The following TRAPPC9 variants were observed in gnomAD, a reference collection of about 807,000 sequenced individuals.
The protein encoded by TRAPPC9 is IKK2 binding protein.
Under a neutral mutation model 124.0 loss-of-function variants are expected in TRAPPC9, and 83 were observed. That is an observed-to-expected ratio of 0.67 (90% CI 0.56 to 0.80). TRAPPC9 has a LOEUF of 0.80. Ranked by LOEUF, TRAPPC9 falls within the 30% of genes least tolerant of loss-of-function variation. The probability of loss-of-function intolerance (pLI) is 0.00; values close to 1 mark genes in which losing one functional copy is unlikely to be tolerated. For missense variants in TRAPPC9, 1,302 were observed against 1,508.3 expected (o/e 0.86, Z 2.27); for synonymous variants, 638 against 617.5 (o/e 1.03, Z -0.49).
chr8:140,184,255 T>C (rs1388592327), intron 17 of TRAPPC9, among the ~76,000 whole-genome samples: 1 of 152,116 alleles, frequency 6.6e-6, no homozygotes, highest in Non-Finnish European at 1.5e-5. Flanking sequence ...GGTGGCTCTT[T>C]TTCCATTTTA....
intron 21 of TRAPPC9, among the ~76,000 whole-genome samples, chr8:139,743,538 A>T (rs1471449015): frequency 6.6e-6 from 1 of 152,244 alleles, no homozygotes; most frequent in Non-Finnish European, 1.5e-5. Flanking sequence ...TTTCTAGTTG[A>T]CATAAATCTT....
At chr8:140,299,699 G>T (rs1023902211) in intron 11 of TRAPPC9, among the ~76,000 whole-genome samples, 5 of 152,222 alleles carry the variant, frequency 3.3e-5, no homozygotes, top group African/African-American at 7.2e-5. Flanking sequence ...GGGATGGGGA[G>T]CTTGGCACTA....
At chr8:139,853,715 G>A (rs1015106204) in intron 21 of TRAPPC9, among the ~76,000 whole-genome samples, 1 of 152,212 alleles carries the variant, frequency 6.6e-6, no homozygotes, top group Non-Finnish European at 1.5e-5. Context: ...TGGGCCAGGG[G>A]CAGGCTGGGG....
At chr8:140,051,837 T>C (rs114848970) in intron 17 of TRAPPC9, among the ~76,000 whole-genome samples, 214 of 152,176 alleles carry the variant, frequency 1.4e-3, no homozygotes, top group African/African-American at 4.9e-3. Flanking sequence ...CTAGACTCAT[T>C]AGTAGTGATT....
intron 21 of TRAPPC9, among the ~76,000 whole-genome samples, chr8:139,830,583 CACAT>C (rs1426566808): frequency 4.6e-5 from 7 of 151,340 alleles, no homozygotes; most frequent in African/African-American, 1.7e-4. Context: ...CACACACATA[CACAT>C]GCACACACCA....
chr8:140,178,549 G>A (rs1175873287), intron 17 of TRAPPC9, among the ~76,000 whole-genome samples: 1 of 151,918 alleles, frequency 6.6e-6, no homozygotes, highest in African/African-American at 2.4e-5. Flanking sequence ...TTTTTCAAGG[G>A]TTTTGCATAC....
intron 18 of TRAPPC9, among the ~76,000 whole-genome samples, chr8:140,012,865 G>T (rs1237318838): frequency 6.6e-6 from 1 of 152,194 alleles, no homozygotes; most frequent in African/African-American, 2.4e-5. Flanking sequence ...CTTGCAGAGG[G>T]TCACCGTAAG....
chr8:140,122,050 T>TCTCTCC (rs1365639911), intron 17 of TRAPPC9, among the ~76,000 whole-genome samples: 1 of 149,794 alleles, frequency 6.7e-6, no homozygotes, highest in African/African-American at 2.5e-5. Context: ...TCTCTCTCTC[T>TCTCTCC]CCCTTTCTCC....
At chr8:140,128,513 A>G (rs1278896384) in intron 17 of TRAPPC9, among the ~76,000 whole-genome samples, 1 of 152,222 alleles carries the variant, frequency 6.6e-6, no homozygotes, top group Non-Finnish European at 1.5e-5. Flanking sequence ...ACTGTGTCCA[A>G]TTTTTCCAAA....
chr8:140,445,707 C>T (rs1450377152), intron 2 of TRAPPC9, among the ~76,000 whole-genome samples: 1 of 152,236 alleles, frequency 6.6e-6, no homozygotes, highest in African/African-American at 2.4e-5. Flanking sequence ...TTCCACCACC[C>T]TAGAATGTGA....
intron 21 of TRAPPC9, among the ~76,000 whole-genome samples, chr8:139,773,464 C>T (rs1332281036): frequency 2.6e-5 from 4 of 152,210 alleles, no homozygotes; most frequent in South Asian, 4.1e-4. Flanking sequence ...AGGCGACTGC[C>T]CCGAAGGGAA....
chr8:140,098,150 G>C (rs1177714669), intron 17 of TRAPPC9: 4 of 151,938 alleles, frequency 2.6e-5, no homozygotes, highest in East Asian at 3.9e-4. Flanking sequence ...TCAGTGCAGG[G>C]GATTCAGCAG....
Position 140,275,737 on chromosome 8 carries a change from T to C in TRAPPC9, c.2199A>G (p.Gln733=). 2 of 1,613,982 alleles carry C rather than the reference T, an allele frequency of 1.2e-6. No homozygotes were observed. Among genetic ancestry groups the C allele is most frequent in the South Asian group, 1.1e-5 (1 of 91,080 alleles). Residue 733 remains glutamine, a synonymous_variant, in exon 15 of 23, where the codon CAA becomes CAG. Transcript: ENST00000438773. ...SVQLYNGESQ[Q]LIIKLENIGM... is the part of the protein sequence containing the mutation. ...CAATATTTTCCAATTTAATGATTAG[T>C]TGCTGACTTTCTCCATTGTAAAGCT...
intron 17 of TRAPPC9, chr8:140,098,449 TCCGCAGGCTAAAAACGCCCCC>T (rs1253938831): frequency 1.3e-5 from 2 of 150,202 alleles, no homozygotes; most frequent in Non-Finnish European, 3.0e-5. Flanking sequence ...CACCAGGCGA[TCCGCAGGCTAAAAACGCCCCC>T]CAGGGTTCTC....
At chr8:140,115,788 A>G (rs1178041315) in intron 17 of TRAPPC9, among the ~76,000 whole-genome samples, 1 of 151,978 alleles carries the variant, frequency 6.6e-6, no homozygotes, top group East Asian at 1.9e-4. Context: ...CTTGTTCCAC[A>G]CTTACGGGCT....
chr8:140,219,234 C>A (rs1445186528), intron 17 of TRAPPC9, among the ~76,000 whole-genome samples: 1 of 152,190 alleles, frequency 6.6e-6, no homozygotes, highest in South Asian at 2.1e-4. Flanking sequence ...GCACACTCGG[C>A]GATCATCGCG....
At chr8:139,796,622 T>C (rs1168098400) in intron 21 of TRAPPC9, among the ~76,000 whole-genome samples, 2 of 152,272 alleles carry the variant, frequency 1.3e-5, no homozygotes, top group Non-Finnish European at 2.9e-5. Flanking sequence ...TTCCATGTTA[T>C]GGCTATGCCA....
chr8:139,942,297 A>G (rs1287066627), intron 19 of TRAPPC9, among the ~76,000 whole-genome samples: 1 of 152,186 alleles, frequency 6.6e-6, no homozygotes, highest in Non-Finnish European at 1.5e-5. Context: ...AGGAATAGAC[A>G]CCCAATAGTT....
intron 9 of TRAPPC9, among the ~76,000 whole-genome samples, chr8:140,346,524 A>G (rs2067355148): frequency 6.6e-6 from 1 of 152,224 alleles, no homozygotes. Context: ...ACAATTTTAC[A>G]TGCAAAAACC....
Sources: gnomAD v4.1 joint callset for allele counts (sites outside exome capture counted in the v4.1 genomes callset) on GRCh38, gnomAD v4.1.1 for gene constraint, MANE v1.5 for transcripts, NCBI Gene and HGNC (gene_info 2026-07-23, HGNC 2026-07-21) for gene names.